IFNAR2: variants seen among roughly 807,000 people sequenced by gnomAD.
The protein encoded by IFNAR2 is interferon alpha/beta receptor 2.
In IFNAR2, 30 loss-of-function variants were observed where a neutral mutation model predicts 49.4. That is an observed-to-expected ratio of 0.61 (90% CI 0.45 to 0.82). IFNAR2 has a LOEUF of 0.82. IFNAR2 is among the 40% of genes least tolerant of loss of function. IFNAR2 has a pLI of 0.00. For synonymous variants in IFNAR2, 224 were observed against 234.5 expected (o/e 0.96, Z 0.41); for missense variants, 600 against 622.7 (o/e 0.96, Z 0.39).
intron 8 of IFNAR2, 50 bp from the exon 9 acceptor site, chr21:33,262,743 A>G: frequency 6.3e-7 from 1 of 1,591,312 alleles, no homozygotes; most frequent in Non-Finnish European, 8.6e-7. Context: ...AATAAAGAGC[A>G]AACAGTACAG....
rs61686449 is a variant in IFNAR2, at chr21:33,234,183, C to CTGTGTGTGTGTGTG, written c.-84+3995_-84+4008dup. Among the ~76,000 whole-genome samples the CTGTGTGTGTGTGTG allele has an allele frequency of 9.8e-3, 1,373 of 140,770 alleles. 11 individuals are homozygous for CTGTGTGTGTGTGTG. The highest frequency in any genetic ancestry group is 0.018 in the African/African-American group (676 of 37,610). 92.4% of individuals were successfully genotyped at this position (140,770 alleles called of 152,430 possible). Reference sequence around the variant, plus strand: ...TCCCAAGTAACATTAAACAGAAACACTGTGTGTGTGTGTGTGTGTGTGTGT... The same window carrying CTGTGTGTGTGTGTG: ...TCCCAAGTAACATTAAACAGAAACACTGTGTGTGTGTGTGTGTGTGTGTGTGTGTGTGTGTGTGT... On this transcript the variant is annotated intron_variant, in intron 1 of 8. Transcript: ENST00000342136.
In IFNAR2 at chr21:33,236,962, ATAT is replaced by A. The variant is rs1986508914; in HGVS notation, c.-83-4874_-83-4872del. ...AATTTAGGCACGATGCCAAGATGGG[ATAT>A]TATATTTTCCAAGCAAGAAGAATCT... On this transcript the variant is annotated intron_variant, in intron 1 of 8. Coordinates refer to ENST00000342136, the MANE Select transcript of IFNAR2 (RefSeq NM_001289125.3). The A allele has an allele frequency of 1.1e-5, 8 of 751,874 alleles. No individual in the cohort carries two copies. In the South Asian group the frequency reaches 4.2e-4, roughly 40 times the overall value. The allele number at this position is 751,874 out of a possible 1,614,324, so 46.6% of individuals were successfully genotyped here.
intron 7 of IFNAR2, among the ~76,000 whole-genome samples, chr21:33,256,754 C>T (rs567010595): frequency 1.7e-4 from 26 of 152,294 alleles, no homozygotes; most frequent in Non-Finnish European, 2.8e-4. Flanking sequence ...GAGGATTTAG[C>T]AGTGAACAAA....
At chr21:33,253,748 C>T (rs1267956082) in intron 7 of IFNAR2, among the ~76,000 whole-genome samples, 1 of 152,170 alleles carries the variant, frequency 6.6e-6, no homozygotes, top group African/African-American at 2.4e-5. Context: ...CATGCCTCCC[C>T]TTTTTAGACC....
Position 33,230,025 on chromosome 21 carries a change from G to C in IFNAR2, c.-275G>C. Reference sequence around the variant, plus strand: ...CGGGTAGGAATCCCGCCGGCGAGCCGAACAGTTCCCCGAGCGCAGCCCGCG... The same window carrying C: ...CGGGTAGGAATCCCGCCGGCGAGCCCAACAGTTCCCCGAGCGCAGCCCGCG... On this transcript the variant is annotated 5_prime_UTR_variant, in exon 1 of 9. Coordinates refer to ENST00000342136, the MANE Select transcript of IFNAR2 (RefSeq NM_001289125.3). The surrounding 1 kb of genome is among the most constrained non-coding windows in gnomAD (Gnocchi z 5.5). 1 of 985,256 alleles carries C rather than the reference G, an allele frequency of 1.0e-6. No homozygotes were observed. The highest frequency in any genetic ancestry group is 1.2e-6 in the Non-Finnish European group (1 of 829,822). 61.0% of individuals were successfully genotyped at this position (985,256 alleles called of 1,614,324 possible). A position where few individuals can be genotyped will look rare whatever the true frequency, so the allele number is the denominator to read the frequency against.
chr21:33,252,864 A>G (rs1987957046), intron 7 of IFNAR2, 34 bp downstream of exon 7: 2 of 1,527,002 alleles, frequency 1.3e-6, no homozygotes, highest in Non-Finnish European at 1.8e-6. Context: ...TGTTTTGAGT[A>G]TTCATGCTTT....
At position 33,244,977 on chromosome 21, in the gene IFNAR2, A is replaced by G. The variant is rs756652516; in HGVS notation, c.124A>G (p.Lys42Glu). The G allele has an allele frequency of 1.4e-5, 23 of 1,613,438 alleles. No individual in the cohort carries two copies. In the South Asian group the frequency reaches 2.1e-4, roughly 15 times the overall value. ...TTACACAGATGAATCTTGCACTTTCAAGATATCATTGCGAAATTTCCGGTC... is the reference window on the plus strand; with the variant it reads ...TTACACAGATGAATCTTGCACTTTCGAGATATCATTGCGAAATTTCCGGTC... ...PDYTDESCTF[K>E]ISLRNFRSIL... The change falls in exon 4 of 9, where the codon AAG becomes GAG. Residue 42 changes from lysine to glutamate, a missense_variant. Lys to Glu is a moderately conservative substitution (Grantham distance 56). Coordinates refer to ENST00000342136, the MANE Select transcript of IFNAR2 (RefSeq NM_001289125.3).
chr21:33,265,589 T>TGTG lies in IFNAR2; in HGVS notation c.*2089_*2090insGTG. ...TATGGCTGTGAGTGTGTGTGTGTGTTTGTGTATTTTTTAACATTTTGTATA... is the reference window on the plus strand; with the variant it reads ...TATGGCTGTGAGTGTGTGTGTGTGTTGTGTGTGTATTTTTTAACATTTTGTATA... On this transcript the variant is annotated 3_prime_UTR_variant, in exon 9 of 9. Coordinates refer to ENST00000342136, the MANE Select transcript of IFNAR2 (RefSeq NM_001289125.3). 5.1e-6 allele frequency: 1 copy of TGTG among 197,312 alleles called. No homozygotes were observed. 12.2% of individuals were successfully genotyped at this position (197,312 alleles called of 1,614,324 possible). A position where few individuals can be genotyped will look rare whatever the true frequency, so the allele number is the denominator to read the frequency against.
chr21:33,255,803 G>A (rs976233621), intron 7 of IFNAR2, among the ~76,000 whole-genome samples: 1 of 152,170 alleles, frequency 6.6e-6, no homozygotes, highest in African/African-American at 2.4e-5. Flanking sequence ...CTGATCATGT[G>A]GTTAGTTTTT....
Position 33,262,983 on chromosome 21 carries a change from T to A in IFNAR2, c.1031T>A (p.Val344Asp), listed in dbSNP as rs1168049661. The change falls in exon 9 of 9, where the codon GTC becomes GAC. Residue 344 changes from valine (V) to aspartate (D), a missense_variant. Physicochemically the swap from Val to Asp is radical, Grantham distance 152. Coordinates refer to ENST00000342136, the MANE Select transcript of IFNAR2 (RefSeq NM_001289125.3). ...GGGYTMHGLT[V>D]RPLGQASATS... ...GGCTATACCATGCATGGACTGACTGTCAGGCCTCTGGGTCAGGCCTCTGCC... is the reference window on the plus strand; with the variant it reads ...GGCTATACCATGCATGGACTGACTGACAGGCCTCTGGGTCAGGCCTCTGCC... 6.2e-6 allele frequency: 10 copies of A among 1,614,142 alleles called. No individual in the cohort carries two copies. Among genetic ancestry groups the A allele is most frequent in the East Asian group, 4.5e-5 (2 of 44,878 alleles).
intron 1 of IFNAR2, among the ~76,000 whole-genome samples, chr21:33,237,080 T>TGG (rs200245398): frequency 3.4e-4 from 31 of 90,878 alleles, no homozygotes; most frequent in South Asian, 6.1e-4. Context: ...GAGAATGGGG[T>TGG]GTGTGTGTGT....
At chr21:33,243,116 C>T (rs766450910) in intron 2 of IFNAR2, among the ~76,000 whole-genome samples, 1 of 151,034 alleles carries the variant, frequency 6.6e-6, no homozygotes, top group Admixed American at 6.6e-5. Context: ...CAGAGTCTCC[C>T]TCTGTCACCC....
At chr21:33,243,549 G>A (rs1987153779) in intron 2 of IFNAR2, 124 bp from the exon 3 acceptor site, 2 of 859,232 alleles carry the variant, frequency 2.3e-6, no homozygotes, top group Admixed American at 4.1e-5. Context: ...CATTTTTTTG[G>A]CACAAGAAAA....
In IFNAR2 at chr21:33,263,894, G is replaced by A. The variant is rs17860264; in HGVS notation, c.*394G>A. ...TTTTGAGACAGAGTCTCGTTCTGTC[G>A]CCCAAGCTGGAGCGCAATGGTGTGA... On this transcript the variant is annotated 3_prime_UTR_variant, in exon 9 of 9. Coordinates refer to ENST00000342136, the MANE Select transcript of IFNAR2 (RefSeq NM_001289125.3). The A allele has an allele frequency of 0.04, 6,076 of 151,236 alleles. 174 individuals carry two copies. The highest frequency in any genetic ancestry group is 0.056 in the Non-Finnish European group (4,045 of 72,368). The allele number at this position is 151,236 out of a possible 1,614,324, so 9.4% of individuals were successfully genotyped here. A position where few individuals can be genotyped will look rare whatever the true frequency, so the allele number is the denominator to read the frequency against.
chr21:33,258,492 T>C (rs1462320436), intron 7 of IFNAR2, among the ~76,000 whole-genome samples: 1 of 152,198 alleles, frequency 6.6e-6, no homozygotes, highest in African/African-American at 2.4e-5. Context: ...TGCCAACATC[T>C]TGATATTTTT....
chr21:33,245,770 C>G (rs1238887162), intron 4 of IFNAR2, among the ~76,000 whole-genome samples: 2 of 152,242 alleles, frequency 1.3e-5, no homozygotes, highest in African/African-American at 4.8e-5. Flanking sequence ...GCTGCTGCTG[C>G]TACTGCTTAT....
intron 5 of IFNAR2, 30 bp downstream of exon 5, chr21:33,246,920 T>A (rs1191705747): frequency 6.4e-7 from 1 of 1,568,668 alleles, no homozygotes; most frequent in East Asian, 2.2e-5. Flanking sequence ...CTCCACTTCG[T>A]CCCCATCATC....
At chr21:33,231,517 A>G (rs549254163) in intron 1 of IFNAR2, among the ~76,000 whole-genome samples, 1 of 152,286 alleles carries the variant, frequency 6.6e-6, no homozygotes, top group South Asian at 2.1e-4. Flanking sequence ...GATTTGTCTA[A>G]AAGTCATTTC....
chr21:33,261,484 A>G lies in IFNAR2; in HGVS notation c.840+757A>G, dbSNP rs539124513. On this transcript the variant is annotated intron_variant, in intron 8 of 8. Coordinates refer to ENST00000342136, the MANE Select transcript of IFNAR2 (RefSeq NM_001289125.3). ...TCTTTTCCTTTTCTTTTCTTTGGTG[A>G]TGATGAATAGTACAATAAACATTTT... 3.3e-5 allele frequency among the ~76,000 whole-genome samples: 5 copies of G among 152,196 alleles called. No individual in the cohort carries two copies. In the East Asian group the frequency reaches 9.7e-4, roughly 29 times the overall value.
Sources: gnomAD v4.1 joint callset for allele counts (sites outside exome capture counted in the v4.1 genomes callset) on GRCh38, gnomAD v4.1.1 for gene constraint, Gnocchi (gnomAD v3.1) non-coding constraint, MANE v1.5 for transcripts, NCBI Gene and HGNC (gene_info 2026-07-23, HGNC 2026-07-21) for gene names.